The following TENM1 variants were observed in gnomAD, a reference collection of about 807,000 sequenced individuals.
TENM1 encodes teneurin-1.
TENM1 carries 35 observed loss-of-function variants against 174.8 expected under a neutral mutation model. That is an observed-to-expected ratio of 0.20 (90% CI 0.15 to 0.27). The LOEUF (loss-of-function observed/expected upper bound fraction) is 0.27. Among genes scored for constraint, TENM1 ranks in the 10% least tolerant of loss-of-function variants. The pLI is 1.00. For synonymous variants in TENM1, 781 were observed against 798.7 expected, an observed-to-expected ratio of 0.98 and a Z score of 0.37; for missense variants, 1,633 against 2,130.1, an observed-to-expected ratio of 0.77 and a Z score of 4.59.
chrX:124,668,449 C>T (rs1241482496), intron 6 of TENM1, among the ~76,000 whole-genome samples: 2 of 112,044 alleles, frequency 1.8e-5, no homozygotes, highest in Admixed American at 9.5e-5. Context: ...GGAACCAACC[C>T]AAATGTCCAT....
At chrX:125,194,023 A>G in the TENM1 span, among the ~76,000 whole-genome samples, 8 of 110,915 alleles carry the variant, frequency 7.2e-5, no homozygotes, top group Non-Finnish European at 1.5e-4. Flanking sequence ...TGCTCAAGTA[A>G]TCCTCCTTCC....
At chrX:124,754,402 C>T (rs1022859213) in intron 3 of TENM1, among the ~76,000 whole-genome samples, 121 of 111,398 alleles carry the variant, frequency 1.1e-3, no homozygotes, top group Non-Finnish European at 1.2e-3. Context: ...GTCTTGCTAG[C>T]GGTCTATCAA....
chrX:124,884,676 C>T (rs1468282062), intron 3 of TENM1, among the ~76,000 whole-genome samples: 1 of 111,489 alleles, frequency 9.0e-6, no homozygotes, highest in Non-Finnish European at 1.9e-5. Flanking sequence ...AGCATTCTCC[C>T]ATAGATGATG....
chrX:124,791,861 CGT>C (rs768638423), intron 3 of TENM1, among the ~76,000 whole-genome samples: 33 of 109,652 alleles, frequency 3.0e-4, no homozygotes, highest in East Asian at 2.9e-3. Flanking sequence ...TGCATAATTG[CGT>C]GTGTGTGTGT....
At chrX:125,092,642 A>T in the TENM1 span, among the ~76,000 whole-genome samples, 1 of 112,028 alleles carries the variant, frequency 8.9e-6, no homozygotes, top group Non-Finnish European at 1.9e-5. Flanking sequence ...TGTGAACCAG[A>T]GAAATCATAA....
intron 6 of TENM1, among the ~76,000 whole-genome samples, chrX:124,668,840 A>T (rs1240361576): frequency 1.8e-5 from 2 of 112,227 alleles, no homozygotes. Flanking sequence ...CCTAGAACTT[A>T]AAGTATAATA....
Position 124,905,554 on chromosome X carries a change from C to T in TENM1, c.218-9313G>A, listed in dbSNP as rs772850646. On this transcript the variant is annotated intron_variant, in intron 1 of 31. Transcript: ENST00000422452. ...ACAACAGTTTTCAGGCATTGGACAA[C>T]AGATAATGAAGGACAACAATCCCTG... is the stretch of plus-strand genomic sequence containing the variant. Among the ~76,000 whole-genome samples the T allele has an allele frequency of 4.5e-5, 5 of 111,554 alleles. No homozygotes were observed. The South Asian group carries it at 1.5e-3, about 34-fold the overall frequency.
At chrX:124,965,315 G>A (rs1327162879), upstream of TENM1, among the ~76,000 whole-genome samples, 16 of 111,610 alleles carry the variant, frequency 1.4e-4, no homozygotes, top group South Asian at 3.7e-4. Context: ...TCCTCACCTC[G>A]TGATCCACCC....
At chrX:124,523,239 T>C (rs2047893978) in intron 17 of TENM1, 125 bp downstream of exon 20, 2 of 757,546 alleles carry the variant, frequency 2.6e-6, no homozygotes, top group Non-Finnish European at 3.8e-6. Flanking sequence ...AGACTTCTCT[T>C]GACAAATAAA....
At chrX:124,934,821 T>C (rs1369992842) in intron 1 of TENM1, among the ~76,000 whole-genome samples, 1 of 111,967 alleles carries the variant, frequency 8.9e-6, no homozygotes, top group Non-Finnish European at 1.9e-5. Flanking sequence ...GGTTTAGGAA[T>C]AAAGAGAATG....
chrX:125,061,139 C>T, the TENM1 span, among the ~76,000 whole-genome samples: 6 of 110,672 alleles, frequency 5.4e-5, no homozygotes, highest in South Asian at 3.8e-4. Flanking sequence ...AATTAATTAA[C>T]GGTTCAAAAG....
chrX:124,624,445 TTTAGAGTATACTGGCTTGG>T (rs2050591086), intron 11 of TENM1, among the ~76,000 whole-genome samples: 1 of 112,129 alleles, frequency 8.9e-6, no homozygotes, highest in Admixed American at 9.5e-5. Flanking sequence ...ATGTACTTAT[TTTAGAGTATACTGGCTTGG>T]TTAAAAACTC....
the TENM1 span, among the ~76,000 whole-genome samples, chrX:125,172,187 G>C: frequency 1.8e-5 from 2 of 111,495 alleles, no homozygotes; most frequent in East Asian, 5.6e-4. Flanking sequence ...ATGAACCTTG[G>C]AATGTTTCAC....
chrX:124,481,956 G>T, exon 22 of TENM1: 1 of 1,160,991 alleles, frequency 8.6e-7, no homozygotes, highest in Non-Finnish European at 1.2e-6. Flanking sequence ...TTTGTGAGCA[G>T]GACTTGTGCT....
At chrX:124,970,849 C>T in the TENM1 span, among the ~76,000 whole-genome samples, 5 of 110,439 alleles carry the variant, frequency 4.5e-5, no homozygotes, top group Admixed American at 1.9e-4. Context: ...ATGTTCATGG[C>T]GGCACTATTC....
the TENM1 span, among the ~76,000 whole-genome samples, chrX:125,019,937 T>C: frequency 2.8e-4 from 31 of 111,462 alleles, no homozygotes; most frequent in Middle Eastern, 4.6e-3. Flanking sequence ...GGTCAGAAAA[T>C]ATAGGTTGAG....
the TENM1 span, among the ~76,000 whole-genome samples, chrX:125,054,256 C>A: frequency 9.1e-6 from 1 of 110,086 alleles, no homozygotes; most frequent in Admixed American, 9.8e-5. Context: ...CCTGCTCTGG[C>A]CATGCAAGAC....
At chrX:125,023,209 T>G in the TENM1 span, among the ~76,000 whole-genome samples, 1 of 111,087 alleles carries the variant, frequency 9.0e-6, no homozygotes, top group Non-Finnish European at 1.9e-5. Context: ...CCCATGCTAT[T>G]TTTGTGATAG....
chrX:124,863,789 C>G (rs1043667573), intron 3 of TENM1, among the ~76,000 whole-genome samples: 6 of 112,393 alleles, frequency 5.3e-5, no homozygotes, highest in Non-Finnish European at 9.4e-5. Context: ...TTAAAGCCAG[C>G]CTTGGGTAAA....
Sources: allele counts gnomAD v4.1 joint callset (sites outside exome capture counted in the v4.1 genomes callset), GRCh38; gene constraint gnomAD v4.1.1; transcripts MANE v1.5; gene names NCBI Gene and HGNC (gene_info 2026-07-23, HGNC 2026-07-21).